CSMD1: variants seen among roughly 807,000 people sequenced by gnomAD.
The protein encoded by CSMD1 is CUB and sushi domain-containing protein 1.
CSMD1 carries 213 observed loss-of-function variants against 417.5 expected under a neutral mutation model. That is an observed-to-expected ratio of 0.51 (90% CI 0.46 to 0.57). CSMD1 has a LOEUF of 0.57. Ranked by LOEUF, CSMD1 falls within the 20% of genes least tolerant of loss-of-function variation. CSMD1 has a pLI of 0.00. For synonymous variants in CSMD1, 2,862 were observed against 1,736.8 expected, an observed-to-expected ratio of 1.65 and a Z score of -16.11; for missense variants, 6,923 against 4,529.7, an observed-to-expected ratio of 1.53 and a Z score of -15.17.
At chr8:3,576,823 A>T (rs1313284387) in intron 9 of CSMD1, among the ~76,000 whole-genome samples, 1 of 152,220 alleles carries the variant, frequency 6.6e-6, no homozygotes, top group Non-Finnish European at 1.5e-5. Flanking sequence ...TAATATTAGC[A>T]TTATCCAACT....
chr8:4,683,419 A>C (rs896681468), intron 1 of CSMD1, among the ~76,000 whole-genome samples: 5 of 152,124 alleles, frequency 3.3e-5, no homozygotes, highest in Non-Finnish European at 7.4e-5. Flanking sequence ...TTACACACTC[A>C]TTATATCCTG....
chr8:3,544,360 AG>A (rs1242976997), intron 10 of CSMD1, among the ~76,000 whole-genome samples: 1 of 152,216 alleles, frequency 6.6e-6, no homozygotes. Flanking sequence ...AAACCCTTGT[AG>A]CAAAGAACAT....
At chr8:4,054,518 C>T (rs1370540896) in intron 3 of CSMD1, among the ~76,000 whole-genome samples, 1 of 152,238 alleles carries the variant, frequency 6.6e-6, no homozygotes, top group East Asian at 1.9e-4. Context: ...CTACACCCTA[C>T]CTCATCCAAT....
intron 7 of CSMD1, among the ~76,000 whole-genome samples, chr8:3,674,588 T>C (rs1026225851): frequency 1.7e-4 from 19 of 113,120 alleles, no homozygotes; most frequent in Admixed American, 1.1e-3. Context: ...TACTGCAAAA[T>C]ATATTATAAC....
chr8:4,400,686 T>G (rs1350144658), intron 3 of CSMD1, among the ~76,000 whole-genome samples: 1 of 152,088 alleles, frequency 6.6e-6, no homozygotes. Context: ...TCAGGCTAAT[T>G]TGCCTTTTTT....
intron 7 of CSMD1, among the ~76,000 whole-genome samples, chr8:3,656,442 G>C (rs995441167): frequency 6.6e-6 from 1 of 152,100 alleles, no homozygotes; most frequent in Non-Finnish European, 1.5e-5. Flanking sequence ...ATCTTTGTGA[G>C]AGTGAAAAGA....
At chr8:2,964,755 G>A (rs1803808474) in intron 59 of CSMD1, among the ~76,000 whole-genome samples, 2 of 152,214 alleles carry the variant, frequency 1.3e-5, no homozygotes, top group South Asian at 2.1e-4. Context: ...AAGGCAATGA[G>A]ATCCTTTGAC....
chr8:4,402,821 CTTTTT>C (rs1396591610), intron 3 of CSMD1, among the ~76,000 whole-genome samples: 1 of 66,352 alleles, frequency 1.5e-5, no homozygotes, highest in Non-Finnish European at 2.9e-5. Context: ...TTTTTTTTTT[CTTTTT>C]TTTTTTTTTT....
At chr8:4,915,582 G>T (rs1168399107) in intron 1 of CSMD1, among the ~76,000 whole-genome samples, 5 of 152,200 alleles carry the variant, frequency 3.3e-5, no homozygotes, top group Admixed American at 3.3e-4. Context: ...GGCAGGAGCA[G>T]GGACAGCTGG....
At chr8:3,168,318 C>T (rs764707866) in intron 37 of CSMD1, among the ~76,000 whole-genome samples, 4 of 152,160 alleles carry the variant, frequency 2.6e-5, no homozygotes, top group African/African-American at 9.7e-5. Flanking sequence ...TAATTGACTA[C>T]ATAATTATTC....
chr8:3,273,789 C>T (rs995949068), intron 26 of CSMD1, among the ~76,000 whole-genome samples: 1 of 137,936 alleles, frequency 7.2e-6, no homozygotes. Context: ...TCCCCTTTAT[C>T]ATTTTTATTG....
At chr8:3,711,891 C>G (rs1382698618) in intron 6 of CSMD1, among the ~76,000 whole-genome samples, 1 of 152,136 alleles carries the variant, frequency 6.6e-6, no homozygotes, top group African/African-American at 2.4e-5. Context: ...TCACCCTAAA[C>G]AGATAAGACA....
intron 46 of CSMD1, among the ~76,000 whole-genome samples, chr8:3,100,375 T>C (rs987778216): frequency 4.5e-4 from 69 of 152,260 alleles, no homozygotes; most frequent in Middle Eastern, 3.2e-3. Flanking sequence ...ATTTGTTTTC[T>C]TGTGTTTCTT....
chr8:3,136,409 C>A (rs765291513), intron 41 of CSMD1, among the ~76,000 whole-genome samples: 1 of 151,828 alleles, frequency 6.6e-6, no homozygotes, highest in East Asian at 1.9e-4. Context: ...GGATCACAGG[C>A]GCTCCCCACC....
intron 1 of CSMD1, among the ~76,000 whole-genome samples, chr8:4,952,879 T>C (rs534284068): frequency 1.3e-5 from 2 of 152,250 alleles, no homozygotes; most frequent in South Asian, 4.1e-4. Context: ...TGTGATGTTG[T>C]TAACAAATGT....
At chr8:3,360,029 C>T (rs1474722408) in intron 20 of CSMD1, among the ~76,000 whole-genome samples, 1 of 152,100 alleles carries the variant, frequency 6.6e-6, no homozygotes, top group Non-Finnish European at 1.5e-5. Flanking sequence ...TTTTTGGTAA[C>T]TAACGCATGA....
At chr8:3,821,201 A>C (rs1801717506) in intron 5 of CSMD1, among the ~76,000 whole-genome samples, 1 of 152,162 alleles carries the variant, frequency 6.6e-6, no homozygotes. Flanking sequence ...TACAGGTGTG[A>C]ACCACCGTAC....
intron 3 of CSMD1, among the ~76,000 whole-genome samples, chr8:4,308,521 C>T (rs184318756): frequency 6.6e-6 from 1 of 152,164 alleles, no homozygotes. Context: ...TTCAGAGACC[C>T]TGCTGTGTTT....
chr8:4,280,143 G>T (rs1050866529), intron 3 of CSMD1, among the ~76,000 whole-genome samples: 1 of 152,116 alleles, frequency 6.6e-6, no homozygotes, highest in Non-Finnish European at 1.5e-5. Flanking sequence ...TAAATATTCT[G>T]AATTATTTAG....
Sources: gnomAD v4.1 joint callset for allele counts (sites outside exome capture counted in the v4.1 genomes callset) on GRCh38, gnomAD v4.1.1 for gene constraint, MANE v1.5 for transcripts, NCBI Gene and HGNC (gene_info 2026-07-23, HGNC 2026-07-21) for gene names.